Variants in PRAC2 observed in about 807,000 individuals in gnomAD.
PRAC2 encodes the protein protein PRAC2.
For missense variants in PRAC2, 92 were observed against 114.5 expected (o/e 0.80, Z 0.90); for synonymous variants, 43 against 49.5 (o/e 0.87, Z 0.55).
At chr17:48,718,764 TGAG>T (rs888490275), upstream of PRAC2, among the ~76,000 whole-genome samples, 9 of 152,014 alleles carry the variant, frequency 5.9e-5, no homozygotes, top group East Asian at 5.8e-4. Flanking sequence ...GATCGCAAGT[TGAG>T]GAGGAGAAGA....
upstream of PRAC2, chr17:48,722,274 T>A (rs757521578): frequency 6.6e-7 from 1 of 1,524,644 alleles, no homozygotes; most frequent in South Asian, 1.1e-5. Context: ...GCTACCATAC[T>A]GAGCGATCCG....
In PRAC2 at chr17:48,724,692, C is replaced by G; in HGVS notation, c.*9C>G. 8.2e-7 allele frequency: 1 copy of G among 1,225,100 alleles called. No homozygotes were observed. The highest frequency in any genetic ancestry group is 3.2e-5 in the East Asian group (1 of 31,656). The allele number at this position is 1,225,100 out of a possible 1,614,324, so 75.9% of individuals were successfully genotyped here. On this transcript the variant is annotated 3_prime_UTR_variant, in exon 2 of 2. Transcript: ENST00000422730. ...TTCTCCTGGAGTGGTGAGCCTCTGT[C>G]GGAAGGGGGCGCCCACGTCTTTTTA...
At position 48,724,368 on chromosome 17, in the gene PRAC2, G is replaced by A; in HGVS notation, c.-43G>A. The A allele has an allele frequency of 2.4e-6, 3 of 1,234,216 alleles. No individual in the cohort carries two copies. The highest frequency in any genetic ancestry group is 3.0e-6 in the Non-Finnish European group (3 of 988,082). The allele number at this position is 1,234,216 out of a possible 1,614,324, so 76.5% of individuals were successfully genotyped here. On this transcript the variant is annotated 5_prime_UTR_variant, in exon 2 of 2. Coordinates refer to ENST00000422730, the MANE Select transcript of PRAC2 (RefSeq NM_001282275.2). Reference sequence around the variant, plus strand: ...ATCCGAAAAAAAGTGTGTGTGGGGGGGTCCACACCACTAATTATTATGGCG... The same window carrying A: ...ATCCGAAAAAAAGTGTGTGTGGGGGAGTCCACACCACTAATTATTATGGCG...
chr17:48,722,427 C>G, upstream of PRAC2: 1 of 1,597,780 alleles, frequency 6.3e-7, no homozygotes, highest in Non-Finnish European at 8.6e-7. Flanking sequence ...GACCAGAATC[C>G]AGCTTGCCTG....
upstream of PRAC2, chr17:48,722,649 C>G (rs1390434426): frequency 4.1e-6 from 2 of 484,852 alleles, no homozygotes. Context: ...CTCCTCCCAG[C>G]AGCCTCCTCG....
In PRAC2 at chr17:48,724,449, C is replaced by T; in HGVS notation, c.39C>T (p.Arg13=). 1 of 1,234,294 alleles carries T rather than the reference C, an allele frequency of 8.1e-7. No individual in the cohort carries two copies. The highest frequency in any genetic ancestry group is 1.5e-5 in the African/African-American group (1 of 64,586). 76.5% of individuals were successfully genotyped at this position (1,234,294 alleles called of 1,614,324 possible). A position where few individuals can be genotyped will look rare whatever the true frequency, so the allele number is the denominator to read the frequency against. The stretch of plus-strand genomic sequence containing the variant: ...GGATGGCTCTGCGGCCTGGCTCCCG[C>T]AGACCGACCGCCTTCTTCTTCCATT... ...RRRMALRPGS[R]RPTAFFFHSR... The change falls in exon 2 of 2, where the codon CGC becomes CGT. Residue 13 remains arginine (R), a synonymous_variant. Transcript: ENST00000422730.
chr17:48,720,686 A>G (rs900328102), upstream of PRAC2, among the ~76,000 whole-genome samples: 6 of 152,314 alleles, frequency 3.9e-5, no homozygotes, highest in African/African-American at 1.4e-4. Context: ...TGCATACTCA[A>G]TTAATGAGTA....
chr17:48,719,693 C>T (rs1597927212), upstream of PRAC2, among the ~76,000 whole-genome samples: 1 of 152,202 alleles, frequency 6.6e-6, no homozygotes, highest in South Asian at 2.1e-4. Context: ...ACATGAAATG[C>T]CAAGGAGGAA....
upstream of PRAC2, among the ~76,000 whole-genome samples, chr17:48,722,948 G>A (rs897523757): frequency 2.6e-5 from 4 of 152,168 alleles, no homozygotes; most frequent in African/African-American, 7.2e-5. Context: ...CTCCCAGTTC[G>A]GGGGCAGTTT....
At chr17:48,719,022 A>G (rs1331228591), upstream of PRAC2, among the ~76,000 whole-genome samples, 2 of 152,154 alleles carry the variant, frequency 1.3e-5, no homozygotes, top group Non-Finnish European at 2.9e-5. Flanking sequence ...CCGGCTGGAA[A>G]GGAAGCCCTG....
chr17:48,723,827 A>G (rs2038173222), intron 1 of PRAC2: 1 of 1,168,202 alleles, frequency 8.6e-7, no homozygotes, highest in Non-Finnish European at 1.1e-6. Flanking sequence ...AGGCCTAATA[A>G]AATCCACTTG....
upstream of PRAC2, among the ~76,000 whole-genome samples, chr17:48,721,453 G>A (rs966403945): frequency 2.0e-5 from 3 of 152,170 alleles, no homozygotes; most frequent in African/African-American, 7.2e-5. Flanking sequence ...AGCCTCTTGA[G>A]TAGCTGGAAT....
At chr17:48,722,219 G>A (rs775359803), upstream of PRAC2, 1 of 1,015,640 alleles carries the variant, frequency 9.8e-7, no homozygotes, top group Non-Finnish European at 1.5e-6. Context: ...ACTTCTGAAG[G>A]CTCCCAAATT....
rs948601484 is a variant in PRAC2, at chr17:48,723,221, G to C, written c.-176G>C. 6.6e-6 allele frequency: 1 copy of C among 152,436 alleles called. No individual in the cohort carries two copies. Among genetic ancestry groups the C allele is most frequent in the African/African-American group, 2.4e-5 (1 of 41,456 alleles). 9.4% of individuals were successfully genotyped at this position (152,436 alleles called of 1,614,324 possible). On this transcript the variant is annotated 5_prime_UTR_variant, in exon 1 of 2. Coordinates refer to ENST00000422730, the MANE Select transcript of PRAC2 (RefSeq NM_001282275.2). ...CCTCTTCCCTGGAGAGCGACTGTTCGGGAGGGTGAGAATGGTATAAATTTC... is the reference window on the plus strand; with the variant it reads ...CCTCTTCCCTGGAGAGCGACTGTTCCGGAGGGTGAGAATGGTATAAATTTC...
At chr17:48,721,561 G>T (rs1031164337), upstream of PRAC2, among the ~76,000 whole-genome samples, 4 of 152,256 alleles carry the variant, frequency 2.6e-5, no homozygotes, top group Admixed American at 2.6e-4. Context: ...TTGGCCTCAA[G>T]TTATCTGCCC....
intron 1 of PRAC2, among the ~76,000 whole-genome samples, 175 bp downstream of exon 1, chr17:48,723,488 A>C (rs796191122): frequency 7.2e-5 from 11 of 152,070 alleles, no homozygotes; most frequent in African/African-American, 2.7e-4. Context: ...AGGGAAGAGA[A>C]GTTTGCTCTA....
chr17:48,721,878 G>A (rs2038148665), upstream of PRAC2: 2 of 1,531,652 alleles, frequency 1.3e-6, no homozygotes, highest in Non-Finnish European at 1.8e-6. Context: ...TCGCCCAGTA[G>A]ATGTTTCAAA....
chr17:48,723,688 G>C (rs1199533225), intron 1 of PRAC2: 2 of 1,231,526 alleles, frequency 1.6e-6, no homozygotes, highest in African/African-American at 3.1e-5. Flanking sequence ...CTAGCCAGCC[G>C]GAGTAAAACC....
At position 48,724,432 on chromosome 17, in the gene PRAC2, CT is replaced by C. The variant is rs2038181600; in HGVS notation, c.23del (p.Leu8ArgfsTer68). ...AGACATGGACAGAAGGCGGATGGCTCTGCGGCCTGGCTCCCGCAGACCGACC... is the reference window on the plus strand; with the variant it reads ...AGACATGGACAGAAGGCGGATGGCTCGCGGCCTGGCTCCCGCAGACCGACC... MDRRRMA[L>X]RPGSRRPTAF... On this transcript the variant is annotated frameshift_variant, in exon 2 of 2. Transcript: ENST00000422730. LOFTEE classifies it low-confidence loss of function (END_TRUNC). The C allele has an allele frequency of 3.2e-6, 4 of 1,234,318 alleles. No homozygotes were observed. Among genetic ancestry groups the C allele is most frequent in the Non-Finnish European group, 3.0e-6 (3 of 988,152 alleles). 76.5% of individuals were successfully genotyped at this position (1,234,318 alleles called of 1,614,324 possible).
Sources: gnomAD v4.1 joint callset for allele counts (sites outside exome capture counted in the v4.1 genomes callset) on GRCh38, gnomAD v4.1.1 for gene constraint, MANE v1.5 for transcripts, NCBI Gene and HGNC (gene_info 2026-07-23, HGNC 2026-07-21) for gene names.